DPP6: variants seen among roughly 807,000 people sequenced by gnomAD.
DPP6 encodes the protein A-type potassium channel modulatory protein DPP6.
DPP6 carries 69 observed loss-of-function variants against 122.6 expected under a neutral mutation model. That is an observed-to-expected ratio of 0.56 (90% CI 0.46 to 0.69). The LOEUF (loss-of-function observed/expected upper bound fraction) is 0.69. Among genes scored for constraint, DPP6 ranks in the 30% least tolerant of loss-of-function variants. The probability of loss-of-function intolerance (pLI) is 0.00; values close to 1 mark genes in which losing one functional copy is unlikely to be tolerated. For missense variants in DPP6, 928 were observed against 1,116.9 expected (o/e 0.83, Z 2.41); for synonymous variants, 418 against 433.1 (o/e 0.97, Z 0.43).
chr7:154,767,856 G>T (rs1318354132), intron 8 of DPP6, among the ~76,000 whole-genome samples: 1 of 152,190 alleles, frequency 6.6e-6, no homozygotes, highest in Non-Finnish European at 1.5e-5. Flanking sequence ...ATGTTCAGGA[G>T]TCTGCAGCAG....
intron 1 of DPP6, among the ~76,000 whole-genome samples, chr7:154,415,818 C>T (rs1184737094): frequency 1.3e-5 from 2 of 150,826 alleles, no homozygotes; most frequent in Non-Finnish European, 2.9e-5. Context: ...GAGTTGGACA[C>T]CTCCTTTGAG....
chr7:154,843,937 A>C lies in DPP6; in HGVS notation c.1667-9843A>C, dbSNP rs538316989. Among the ~76,000 whole-genome samples the C allele has an allele frequency of 2.6e-5, 4 of 152,356 alleles. No individual in the cohort carries two copies. In the East Asian group the frequency reaches 5.8e-4, roughly 22 times the overall value. On this transcript the variant is annotated intron_variant, in intron 16 of 25. Transcript: ENST00000377770. ...TGGACTCTGAGCTCCCTAAGAGTAAATGCTTTGTCTATTTCTGTCTGTTTC... is the reference window on the plus strand; with the variant it reads ...TGGACTCTGAGCTCCCTAAGAGTAACTGCTTTGTCTATTTCTGTCTGTTTC...
rs569206854 is a variant in DPP6, at chr7:154,122,079, G to T, written c.243+69016G>T. Among the ~76,000 whole-genome samples, 5 of 152,328 alleles carry T rather than the reference G, an allele frequency of 3.3e-5. No homozygotes were observed. In the East Asian group the frequency reaches 9.6e-4, roughly 29 times the overall value. On this transcript the variant is annotated intron_variant, in intron 1 of 25. Coordinates refer to ENST00000377770, the MANE Select transcript of DPP6 (RefSeq NM_130797.4). ...TTTAGTACAATTGAGAAATTTGCAT[G>T]TAAAGCTAAGGAAGGACACAGCTTT...
intron 1 of DPP6, among the ~76,000 whole-genome samples, chr7:154,060,458 C>T (rs1365044160): frequency 7.1e-6 from 1 of 140,066 alleles, no homozygotes; most frequent in Non-Finnish European, 1.5e-5. Context: ...AGACCCTCTT[C>T]CCCCTCTGGC....
intron 15 of DPP6, among the ~76,000 whole-genome samples, chr7:154,805,689 T>C (rs1029341331): frequency 1.3e-5 from 2 of 152,176 alleles, no homozygotes; most frequent in Non-Finnish European, 2.9e-5. Flanking sequence ...CTGGTTTTTT[T>C]TCTAGGGCGT....
At chr7:154,124,607 C>G (rs1403662871) in intron 1 of DPP6, among the ~76,000 whole-genome samples, 3 of 152,222 alleles carry the variant, frequency 2.0e-5, no homozygotes, top group Non-Finnish European at 4.4e-5. Flanking sequence ...ATATCCCAAA[C>G]AATACAATAT....
At chr7:154,058,303 G>A in intron 1 of DPP6, 1 of 144,786 alleles carries the variant, frequency 6.9e-6, no homozygotes, top group Non-Finnish European at 1.5e-5. Context: ...TTTGCTCTTA[G>A]GATCCCCATC....
chr7:154,302,932 G>C (rs1317525802), intron 1 of DPP6, among the ~76,000 whole-genome samples: 2 of 152,120 alleles, frequency 1.3e-5, no homozygotes, highest in Non-Finnish European at 2.9e-5. Flanking sequence ...CCTAAGATGC[G>C]AACAGATGGG....
At chr7:153,922,863 A>G (rs11974352) in intron 1 of DPP6, among the ~76,000 whole-genome samples, 14,082 of 152,284 alleles carry the variant, frequency 0.092, 874 homozygotes, top group African/African-American at 0.18. Flanking sequence ...TCTGACATCC[A>G]GTCTTTGGAC....
chr7:154,302,931 C>T lies in DPP6; in HGVS notation c.244-143283C>T, dbSNP rs150614154. The stretch of plus-strand genomic sequence containing the variant: ...TTAGCAATGAATCCTTCCTAAGATG[C>T]GAACAGATGGGAGCTCAACATTTGA... On this transcript the variant is annotated intron_variant, in intron 1 of 25. Transcript: ENST00000377770. Among the ~76,000 whole-genome samples, 291 of 152,290 alleles carry T rather than the reference C, an allele frequency of 1.9e-3. 1 individual carries two copies. The highest frequency in any genetic ancestry group is 3.3e-3 in the Non-Finnish European group (223 of 68,028).
At chr7:154,440,950 G>A (rs1313308698) in intron 1 of DPP6, among the ~76,000 whole-genome samples, 4 of 152,148 alleles carry the variant, frequency 2.6e-5, no homozygotes, top group Admixed American at 1.3e-4. Context: ...TTGGTTGATC[G>A]TGAAATCATC....
At chr7:154,886,297 C>T (rs1166526250) in intron 22 of DPP6, among the ~76,000 whole-genome samples, 1 of 152,238 alleles carries the variant, frequency 6.6e-6, no homozygotes, top group Non-Finnish European at 1.5e-5. Context: ...CAGCACCTGT[C>T]CTCAGAGAGT....
In DPP6 at chr7:154,265,022, A is replaced by G. The variant is rs1013541975; in HGVS notation, c.244-181192A>G. ...GATGATAATGATAGTGATAGTGATG[A>G]TGGTGTTAATGGTGATGGTGATAAT... On this transcript the variant is annotated intron_variant, in intron 1 of 25. Transcript: ENST00000377770. Among the ~76,000 whole-genome samples, 36 of 152,172 alleles carry G rather than the reference A, an allele frequency of 2.4e-4. 3 individuals carry two copies. Among genetic ancestry groups the G allele is most frequent in the African/African-American group, 8.7e-4 (36 of 41,410 alleles).
chr7:154,663,998 A>G (rs13226437), intron 6 of DPP6, among the ~76,000 whole-genome samples: 17 of 73,554 alleles, frequency 2.3e-4, no homozygotes, highest in East Asian at 5.6e-4. Flanking sequence ...GAATCACCAT[A>G]GCGTATTGGC....
intron 1 of DPP6, among the ~76,000 whole-genome samples, chr7:154,427,799 A>G (rs540823147): frequency 2.6e-5 from 4 of 152,308 alleles, no homozygotes; most frequent in South Asian, 4.1e-4. Flanking sequence ...GCCTTCAGAC[A>G]CTAGGCATGC....
At chr7:154,414,923 G>A (rs376559062) in intron 1 of DPP6, among the ~76,000 whole-genome samples, 2 of 152,296 alleles carry the variant, frequency 1.3e-5, no homozygotes, top group East Asian at 3.9e-4. Context: ...GTCACTTCCA[G>A]TATGTTCTGC....
intron 1 of DPP6, among the ~76,000 whole-genome samples, chr7:153,933,486 A>G (rs1198129729): frequency 6.6e-6 from 1 of 152,198 alleles, no homozygotes; most frequent in Non-Finnish European, 1.5e-5. Context: ...CAACAGCACG[A>G]ACACTTCTGC....
chr7:154,704,298 G>A (rs984499212), intron 7 of DPP6, among the ~76,000 whole-genome samples: 1 of 152,208 alleles, frequency 6.6e-6, no homozygotes, highest in East Asian at 1.9e-4. Context: ...TTCTAGGAAC[G>A]AGCAAAGAAA....
chr7:153,902,465 C>A (rs1021549605), intron 1 of DPP6, among the ~76,000 whole-genome samples: 3 of 152,112 alleles, frequency 2.0e-5, no homozygotes, highest in Non-Finnish European at 4.4e-5. Flanking sequence ...TCTTTGGGAA[C>A]AAGATCCCCG....
Sources: gnomAD v4.1 joint callset for allele counts (sites outside exome capture counted in the v4.1 genomes callset) on GRCh38, gnomAD v4.1.1 for gene constraint, MANE v1.5 for transcripts, NCBI Gene and HGNC (gene_info 2026-07-23, HGNC 2026-07-21) for gene names.